The following SSU72L3 variants were observed in gnomAD, a reference collection of about 807,000 sequenced individuals.
SSU72L3 encodes SSU72 like 3, also known as RNA polymerase II subunit A C-terminal domain phosphatase SSU72 like protein 3.
chr11:4,330,737 A>G, the SSU72L3 span, among the ~76,000 whole-genome samples: 1 of 152,210 alleles, frequency 6.6e-6, no homozygotes, highest in South Asian at 2.1e-4. Context: ...GCCCACCATG[A>G]CGCCATTTTC....
the SSU72L3 span, chr11:4,329,861 C>A: frequency 2.9e-6 from 2 of 701,680 alleles, no homozygotes; most frequent in South Asian, 3.4e-5. Flanking sequence ...CAGTGGCCAC[C>A]ATCATGCTCT....
At chr11:4,330,729 C>T in the SSU72L3 span, among the ~76,000 whole-genome samples, 1 of 152,134 alleles carries the variant, frequency 6.6e-6, no homozygotes, top group East Asian at 1.9e-4. Context: ...GGAAGCTAGC[C>T]CACCATGACG....
At chr11:4,330,507 C>T in the SSU72L3 span, 1 of 600,226 alleles carries the variant, frequency 1.7e-6, no homozygotes, top group Non-Finnish European at 3.0e-6. Flanking sequence ...GGACTTTAGT[C>T]CGGATTTATT....
chr11:4,329,850 C>T, the SSU72L3 span: 497 of 685,818 alleles, frequency 7.2e-4, 14 homozygotes, highest in African/African-American at 8.6e-3. Context: ...TCTCTGGTTC[C>T]CAGTGGCCAC....
chr11:4,330,307 C>A, the SSU72L3 span: 1 of 760,138 alleles, frequency 1.3e-6, no homozygotes, highest in Admixed American at 1.7e-5. Context: ...CTGGAAGATG[C>A]CACCCTGGGA....
At chr11:4,330,675 G>C in the SSU72L3 span, among the ~76,000 whole-genome samples, 2 of 152,144 alleles carry the variant, frequency 1.3e-5, no homozygotes, top group African/African-American at 4.8e-5. Context: ...TGTGCTAGGT[G>C]CATTACATGG....
the SSU72L3 span, chr11:4,329,869 T>C: frequency 1.4e-6 from 1 of 715,410 alleles, no homozygotes; most frequent in Non-Finnish European, 2.6e-6. Flanking sequence ...ACCATCATGC[T>C]CTCCTCCCCA....
At chr11:4,330,064 A>G in the SSU72L3 span, 2 of 775,736 alleles carry the variant, frequency 2.6e-6, no homozygotes, top group Admixed American at 3.4e-5. Context: ...ATGTACAATG[A>G]CCTCCTCAGG....
chr11:4,329,800 C>G, the SSU72L3 span: 1 of 604,820 alleles, frequency 1.7e-6, no homozygotes, highest in Non-Finnish European at 2.9e-6. Flanking sequence ...TGGTCGTCTC[C>G]TCGGCTCCGA....
chr11:4,330,723 G>T, the SSU72L3 span, among the ~76,000 whole-genome samples: 2 of 152,186 alleles, frequency 1.3e-5, no homozygotes, highest in African/African-American at 4.8e-5. Flanking sequence ...CTACAAGGAA[G>T]CTAGCCCACC....
the SSU72L3 span, chr11:4,330,375 A>C: frequency 1.3e-6 from 1 of 760,226 alleles, no homozygotes. Flanking sequence ...CATAGAAGAC[A>C]ATCTGGAGGA....
At chr11:4,330,289 A>G in the SSU72L3 span, 2 of 759,262 alleles carry the variant, frequency 2.6e-6, no homozygotes, top group Admixed American at 3.5e-5. Flanking sequence ...ATGGACATCC[A>G]AGATACCCTG....
At chr11:4,330,686 G>C in the SSU72L3 span, among the ~76,000 whole-genome samples, 10,411 of 88,922 alleles carry the variant, frequency 0.12, 24 homozygotes, top group Non-Finnish European at 0.13. Context: ...CATTACATGG[G>C]ATAACTAATT....
the SSU72L3 span, chr11:4,329,989 T>G: frequency 1.3e-6 from 1 of 764,710 alleles, no homozygotes; most frequent in East Asian, 2.4e-5. Flanking sequence ...GAATCTCATG[T>G]GAGGCTACCA....
the SSU72L3 span, chr11:4,330,517 T>C: frequency 8.4e-6 from 5 of 598,432 alleles, no homozygotes; most frequent in East Asian, 1.1e-4. Context: ...CCGGATTTAT[T>C]GTGAGAAGCA....
chr11:4,330,697 T>C, the SSU72L3 span, among the ~76,000 whole-genome samples: 1 of 152,178 alleles, frequency 6.6e-6, no homozygotes, highest in Admixed American at 6.6e-5. Context: ...ATAACTAATT[T>C]CATGCTTATA....
At chr11:4,329,903 G>A in the SSU72L3 span, 1 of 730,488 alleles carries the variant, frequency 1.4e-6, no homozygotes, top group South Asian at 1.6e-5. Flanking sequence ...TGGTGTGCGT[G>A]AGCAATGTCA....
At chr11:4,330,374 C>T in the SSU72L3 span, 3 of 760,730 alleles carry the variant, frequency 3.9e-6, no homozygotes, top group Non-Finnish European at 7.2e-6. Flanking sequence ...ACATAGAAGA[C>T]AATCTGGAGG....
chr11:4,329,928 G>A, the SSU72L3 span: 1 of 731,848 alleles, frequency 1.4e-6, no homozygotes. Flanking sequence ...GAGCATGGAG[G>A]CCCACAGCAT....
Sources: gnomAD v4.1 joint callset for allele counts (sites outside exome capture counted in the v4.1 genomes callset) on GRCh38, gnomAD v4.1.1 for gene constraint, MANE v1.5 for transcripts, NCBI Gene and HGNC (gene_info 2026-07-23, HGNC 2026-07-21) for gene names.